The following SH3KBP1 variants were observed in gnomAD, a reference collection of about 807,000 sequenced individuals.
The protein encoded by SH3KBP1 is SH3 domain-containing kinase-binding protein 1.
A neutral mutation model predicts 50.1 loss-of-function variants in SH3KBP1; 8 were observed. That is an observed-to-expected ratio of 0.16 (90% CI 0.09 to 0.29). The LOEUF is 0.29. SH3KBP1 is among the 10% of genes least tolerant of loss of function. The pLI, the probability that SH3KBP1 is intolerant of heterozygous loss-of-function variation, is 1.00. For synonymous variants in SH3KBP1, 227 were observed against 218.6 expected (o/e 1.04, Z -0.34); for missense variants, 377 against 535.2 (o/e 0.70, Z 2.92).
intron 3 of SH3KBP1, among the ~76,000 whole-genome samples, chrX:19,738,938 G>A (rs1035456164): frequency 9.7e-6 from 1 of 102,780 alleles, no homozygotes; most frequent in Admixed American, 1.1e-4. Flanking sequence ...TTGAACCCGG[G>A]AGGCGAAAGT....
intron 2 of SH3KBP1, among the ~76,000 whole-genome samples, chrX:19,809,479 G>A (rs953823857): frequency 6.4e-5 from 7 of 109,833 alleles, no homozygotes; most frequent in African/African-American, 2.3e-4. Context: ...AGCCGAGATC[G>A]CACCACTGCA....
At chrX:19,647,670 T>A (rs1005474075) in intron 6 of SH3KBP1, among the ~76,000 whole-genome samples, 1 of 111,502 alleles carries the variant, frequency 9.0e-6, no homozygotes, top group Non-Finnish European at 1.9e-5. Flanking sequence ...GTTAAAAGTC[T>A]AGAATATGGC....
intron 10 of SH3KBP1, among the ~76,000 whole-genome samples, chrX:19,592,760 C>T (rs2066788892): frequency 8.9e-6 from 1 of 112,424 alleles, no homozygotes; most frequent in South Asian, 3.7e-4. Context: ...TACTGAACTT[C>T]CATGTAAGAA....
intron 2 of SH3KBP1, among the ~76,000 whole-genome samples, chrX:19,792,742 G>T (rs2066569546): frequency 1.2e-5 from 1 of 82,698 alleles, no homozygotes; most frequent in South Asian, 7.5e-4. Context: ...GTCTGGAGAC[G>T]CTTTCCTTTG....
intron 4 of SH3KBP1, among the ~76,000 whole-genome samples, chrX:19,699,344 C>G (rs2063492680): frequency 8.9e-6 from 1 of 112,566 alleles, no homozygotes. Flanking sequence ...CTTATAACTT[C>G]CACCCCAAGG....
intron 11 of SH3KBP1, among the ~76,000 whole-genome samples, chrX:19,589,707 G>A (rs1265232779): frequency 1.8e-5 from 2 of 110,370 alleles, no homozygotes; most frequent in African/African-American, 3.3e-5. Context: ...GTTGCCCAAC[G>A]GACTATAGGC....
chrX:19,690,113 G>A (rs752786391), intron 5 of SH3KBP1, among the ~76,000 whole-genome samples: 1 of 103,123 alleles, frequency 9.7e-6, no homozygotes, highest in South Asian at 4.5e-4. Flanking sequence ...AGGCTCGAGT[G>A]CAATGGCACA....
intron 2 of SH3KBP1, among the ~76,000 whole-genome samples, chrX:19,812,936 C>T (rs1332757449): frequency 9.0e-6 from 1 of 110,585 alleles, no homozygotes; most frequent in Non-Finnish European, 1.9e-5. Context: ...AATCGCACCA[C>T]TGCACTCCAG....
intron 12 of SH3KBP1, among the ~76,000 whole-genome samples, chrX:19,583,582 T>C (rs1014916262): frequency 9.0e-6 from 1 of 110,771 alleles, no homozygotes; most frequent in African/African-American, 3.3e-5. Context: ...AGTATATTAC[T>C]ATCTGAGGAA....
At chrX:19,720,572 T>A (rs1174459059) in intron 3 of SH3KBP1, among the ~76,000 whole-genome samples, 2 of 112,166 alleles carry the variant, frequency 1.8e-5, no homozygotes, top group South Asian at 7.3e-4. Context: ...GTTCTAAATG[T>A]AAGTTATTTA....
intron 3 of SH3KBP1, 136 bp from the exon 4 acceptor site, chrX:19,707,120 G>A (rs777448397): frequency 1.7e-6 from 1 of 578,447 alleles, no homozygotes; most frequent in Admixed American, 2.2e-5. Context: ...TTGAGGCACG[G>A]CAGCCCTGGT....
intron 1 of SH3KBP1, among the ~76,000 whole-genome samples, chrX:19,873,609 T>C (rs974831786): frequency 1.9e-5 from 2 of 106,238 alleles, no homozygotes; most frequent in Non-Finnish European, 3.9e-5. Context: ...GAGGCAGAGG[T>C]TGCAGTGAGC....
At position 19,541,099 on chromosome X, in the gene SH3KBP1, T is replaced by C. The variant is rs757611391; in HGVS notation, c.1892+826A>G. ...CCAACTAATTTTTTTGTATTTTTAG[T>C]AGAGACAGGGTTTCGCCATGTTGGC... On this transcript the variant is annotated intron_variant, in intron 16 of 17. Transcript: ENST00000397821. 2.7e-5 allele frequency among the ~76,000 whole-genome samples: 3 copies of C among 111,366 alleles called. No homozygotes were observed. In the East Asian group the frequency reaches 8.5e-4, roughly 31 times the overall value.
intron 10 of SH3KBP1, among the ~76,000 whole-genome samples, chrX:19,592,942 A>G (rs2066792606): frequency 8.9e-6 from 1 of 112,330 alleles, no homozygotes; most frequent in East Asian, 2.8e-4. Flanking sequence ...GGTCCCAGAT[A>G]TGACGGAGCA....
intron 2 of SH3KBP1, among the ~76,000 whole-genome samples, chrX:19,785,363 CAA>C (rs373801274): frequency 5.9e-5 from 5 of 84,718 alleles, no homozygotes; most frequent in East Asian, 3.6e-4. Flanking sequence ...ACAAAAAATA[CAA>C]AAAAAAAAAA....
intron 1 of SH3KBP1, among the ~76,000 whole-genome samples, chrX:19,853,232 A>G (rs2068558186): frequency 8.9e-6 from 1 of 112,749 alleles, no homozygotes; most frequent in South Asian, 3.6e-4. Flanking sequence ...ATGGGTGACA[A>G]TGAGGACCAC....
chrX:19,608,642 T>A (rs955694532), intron 8 of SH3KBP1, among the ~76,000 whole-genome samples: 11 of 112,231 alleles, frequency 9.8e-5, no homozygotes, highest in African/African-American at 3.2e-4. Flanking sequence ...AGAATATGTG[T>A]TTTCTTCATT....
chrX:19,687,128 G>A (rs962132509), intron 5 of SH3KBP1, among the ~76,000 whole-genome samples: 3 of 112,703 alleles, frequency 2.7e-5, no homozygotes, highest in African/African-American at 9.7e-5. Flanking sequence ...GGCTGAGTGA[G>A]CAAAGCAAAA....
chrX:19,741,973 G>A (rs1018978972), intron 3 of SH3KBP1, among the ~76,000 whole-genome samples: 1 of 112,228 alleles, frequency 8.9e-6, no homozygotes, highest in Non-Finnish European at 1.9e-5. Context: ...CAGTGCAAAC[G>A]AGAACCCTGA....
Sources: gnomAD v4.1 joint callset for allele counts (sites outside exome capture counted in the v4.1 genomes callset) on GRCh38, gnomAD v4.1.1 for gene constraint, MANE v1.5 for transcripts, NCBI Gene and HGNC (gene_info 2026-07-23, HGNC 2026-07-21) for gene names.